KLHL13: variants seen among roughly 807,000 people sequenced by gnomAD.
KLHL13 encodes kelch like family member 13, also known as kelch-like protein 13.
KLHL13 carries 10 observed loss-of-function variants against 37.1 expected under a neutral mutation model. The ratio of observed to expected loss-of-function variants is 0.27; its 90% confidence interval spans 0.17 to 0.46. The LOEUF (loss-of-function observed/expected upper bound fraction) is 0.46, where lower values mean the gene tolerates loss of function less well. Ranked by LOEUF, KLHL13 falls within the 20% of genes least tolerant of loss-of-function variation. The pLI is 1.00. For missense variants in KLHL13, 360 were observed against 509.3 expected (o/e 0.71, Z 2.82); for synonymous variants, 163 against 181.2 (o/e 0.90, Z 0.81).
At chrX:117,909,820 G>T (rs1414741041) in exon 5 of KLHL13, 1 of 1,110,737 alleles carries the variant, frequency 9.0e-7, no homozygotes, top group Admixed American at 2.3e-5. Context: ...AGTGGAAATC[G>T]TATGTTCTTC....
intron 2 of KLHL13, among the ~76,000 whole-genome samples, chrX:117,945,165 A>C (rs1172159143): frequency 8.9e-6 from 1 of 111,780 alleles, no homozygotes. Context: ...ATTGATTCTG[A>C]GGATTTTTTA....
rs1053278137 is a variant in KLHL13, at chrX:118,029,285, G to A, written c.-55-83710C>T. Among the ~76,000 whole-genome samples the A allele has an allele frequency of 3.6e-5, 4 of 111,591 alleles. No homozygotes were observed. In the South Asian group the frequency reaches 1.5e-3, roughly 42 times the overall value. ...TCCCATGTTACCTCAGGAACTTGGG[G>A]TCTGAGAAGTCTATAAACAGGGAAC... On this transcript the variant is annotated intron_variant, in intron 1 of 6. Coordinates refer to the KLHL13 transcript ENST00000371882.
At chrX:118,002,330 C>T (rs749633601) in intron 1 of KLHL13, among the ~76,000 whole-genome samples, 9 of 110,674 alleles carry the variant, frequency 8.1e-5, no homozygotes, top group Admixed American at 4.8e-4. Context: ...GGCGCGGTGG[C>T]TCACACCTGT....
At chrX:117,981,518 A>G (rs995814229) in intron 1 of KLHL13, among the ~76,000 whole-genome samples, 2 of 111,961 alleles carry the variant, frequency 1.8e-5, no homozygotes, top group African/African-American at 3.2e-5. Context: ...TATGTTTTAA[A>G]TAATCAGTTA....
rs1247015308 is a variant in KLHL13 at position 117,994,153 on chromosome X, T to TG, written c.-55-48579dup. The stretch of plus-strand genomic sequence containing the variant: ...TCAACCACGAATGCCAATATTAAGT[T>TG]GGGGTTTTGTTTGCACTTGTACATA... On this transcript the variant is annotated intron_variant, in intron 1 of 6. Transcript: ENST00000371882. Among the ~76,000 whole-genome samples the TG allele has an allele frequency of 4.5e-5, 5 of 112,018 alleles. No homozygotes were observed. The Admixed American group carries it at 4.7e-4, about 11-fold the overall frequency.
intron 1 of KLHL13, among the ~76,000 whole-genome samples, chrX:118,111,594 C>T (rs2055410174): frequency 8.9e-6 from 1 of 112,223 alleles, no homozygotes; most frequent in African/African-American, 3.2e-5. Context: ...CCTGTCTCCA[C>T]TAAAAATAAA....
intron 1 of KLHL13, among the ~76,000 whole-genome samples, chrX:118,039,056 G>A (rs1186430340): frequency 3.6e-5 from 4 of 112,353 alleles, no homozygotes; most frequent in Admixed American, 9.4e-5. Flanking sequence ...GAGCAAAAAG[G>A]AAACCTGCTG....
chrX:118,101,386 A>C (rs1386016543), intron 1 of KLHL13, among the ~76,000 whole-genome samples: 1 of 111,646 alleles, frequency 9.0e-6, no homozygotes, highest in Non-Finnish European at 1.9e-5. Context: ...AATACAGATA[A>C]CTGAGTTAGC....
At chrX:117,941,398 TTCAGAAAGAATGGTA>T (rs2147787326) in intron 2 of KLHL13, among the ~76,000 whole-genome samples, 1 of 112,088 alleles carries the variant, frequency 8.9e-6, no homozygotes, top group South Asian at 3.8e-4. Flanking sequence ...TTGGAATAGT[TTCAGAAAGAATGGTA>T]TCAGCTCTTC....
chrX:117,946,804 A>C (rs969222358), intron 1 of KLHL13: 1 of 111,848 alleles, frequency 8.9e-6, no homozygotes, highest in Non-Finnish European at 1.9e-5. Context: ...CTAAAACCCC[A>C]AGTTGATCAG....
chrX:118,048,741 C>G (rs904650824), intron 1 of KLHL13, among the ~76,000 whole-genome samples: 1 of 111,182 alleles, frequency 9.0e-6, no homozygotes, highest in Non-Finnish European at 1.9e-5. Context: ...TATAACGAGA[C>G]AAGTATTGTA....
At chrX:118,030,309 T>C (rs979044155) in intron 1 of KLHL13, among the ~76,000 whole-genome samples, 7 of 112,027 alleles carry the variant, frequency 6.2e-5, no homozygotes, top group African/African-American at 2.3e-4. Flanking sequence ...TTCTAAAACA[T>C]GTTAAAGTGA....
At chrX:117,944,410 T>C (rs1368046721) in intron 2 of KLHL13, among the ~76,000 whole-genome samples, 1 of 111,506 alleles carries the variant, frequency 9.0e-6, no homozygotes, top group Non-Finnish European at 1.9e-5. Context: ...AGATTGAAAC[T>C]AGCAGGAAAT....
At chrX:118,065,910 A>G (rs1172162205) in intron 1 of KLHL13, among the ~76,000 whole-genome samples, 1 of 112,237 alleles carries the variant, frequency 8.9e-6, no homozygotes, top group Non-Finnish European at 1.9e-5. Context: ...AGTTCCTTCT[A>G]TTACTCCATT....
intron 1 of KLHL13, among the ~76,000 whole-genome samples, chrX:118,078,824 T>G (rs1352818612): frequency 1.8e-5 from 2 of 111,967 alleles, no homozygotes; most frequent in African/African-American, 6.5e-5. Flanking sequence ...TATTTAACTT[T>G]GTAAGAAACT....
At chrX:118,048,624 C>T (rs2054583867) in intron 1 of KLHL13, among the ~76,000 whole-genome samples, 1 of 112,048 alleles carries the variant, frequency 8.9e-6, no homozygotes, top group Admixed American at 9.5e-5. Flanking sequence ...AATATTATTT[C>T]TGCCCTGAAG....
At chrX:117,903,128 C>T (rs1249604590) in intron 5 of KLHL13, among the ~76,000 whole-genome samples, 1 of 97,159 alleles carries the variant, frequency 1.0e-5, no homozygotes, top group Non-Finnish European at 2.1e-5. Context: ...AACATGGTGA[C>T]AGGCAAAACA....
intron 1 of KLHL13, among the ~76,000 whole-genome samples, chrX:118,057,776 A>G: frequency 9.0e-6 from 1 of 110,837 alleles, no homozygotes; most frequent in Admixed American, 9.5e-5. Flanking sequence ...CAGTGAGCCA[A>G]GATTGTGCCA....
At chrX:117,993,848 T>G (rs2053823039) in intron 1 of KLHL13, among the ~76,000 whole-genome samples, 1 of 108,898 alleles carries the variant, frequency 9.2e-6, no homozygotes, top group Admixed American at 9.7e-5. Flanking sequence ...GCAATTCTCC[T>G]GCCTCAGCCT....
Sources: allele counts gnomAD v4.1 joint callset (sites outside exome capture counted in the v4.1 genomes callset), GRCh38; gene constraint gnomAD v4.1.1; transcripts MANE v1.5; gene names NCBI Gene and HGNC (gene_info 2026-07-23, HGNC 2026-07-21).